EXOC6B: variants seen among roughly 807,000 people sequenced by gnomAD.
EXOC6B encodes the protein SEC15 homolog B.
A neutral mutation model predicts 113.5 loss-of-function variants in EXOC6B; 54 were observed. The ratio of observed to expected loss-of-function variants is 0.48; its 90% confidence interval spans 0.38 to 0.60. The LOEUF (loss-of-function observed/expected upper bound fraction) is 0.60. EXOC6B is among the 20% of genes least tolerant of loss of function. EXOC6B has a pLI of 0.00. For missense variants in EXOC6B, 797 were observed against 977.5 expected (o/e 0.82, Z 2.46); for synonymous variants, 357 against 339.0 (o/e 1.05, Z -0.58).
chr2:72,417,035 A>G (rs1206921174), intron 18 of EXOC6B, among the ~76,000 whole-genome samples: 1 of 152,164 alleles, frequency 6.6e-6, no homozygotes, highest in Non-Finnish European at 1.5e-5. Flanking sequence ...TCAATGTCAT[A>G]TCTATTAGTT....
At chr2:72,210,465 C>G (rs1680119739) in intron 20 of EXOC6B, among the ~76,000 whole-genome samples, 1 of 152,176 alleles carries the variant, frequency 6.6e-6, no homozygotes. Context: ...TACTGGATAG[C>G]TGGATACCCA....
At chr2:72,724,169 T>G (rs1680169232) in intron 5 of EXOC6B, among the ~76,000 whole-genome samples, 1 of 151,694 alleles carries the variant, frequency 6.6e-6, no homozygotes, top group South Asian at 2.1e-4. Context: ...ATAGAGAAAG[T>G]GAAATTCCAC....
rs199787275 is a variant in EXOC6B at position 72,656,634 on chromosome 2, T to C, written c.669+61469A>G. ...GACTGGATAAAAAGCTCCCCCCTTA[T>C]TGAGTAAGGGTGAAAGTCAAAATTC... On this transcript the variant is annotated intron_variant, in intron 6 of 21. Transcript: ENST00000272427. 1.5e-4 allele frequency among the ~76,000 whole-genome samples: 23 copies of C among 152,220 alleles called. No homozygotes were observed. In the East Asian group the frequency reaches 2.9e-3, roughly 19 times the overall value.
intron 7 of EXOC6B, among the ~76,000 whole-genome samples, chr2:72,572,585 C>A (rs769438232): frequency 4.6e-5 from 7 of 152,152 alleles, no homozygotes; most frequent in Non-Finnish European, 8.8e-5. Flanking sequence ...GGATTCTATG[C>A]CACAGTTACC....
chr2:72,617,609 A>C (rs1479787818), intron 6 of EXOC6B, among the ~76,000 whole-genome samples: 1 of 126,064 alleles, frequency 7.9e-6, no homozygotes. Context: ...TGAAACCTCC[A>C]CTGCCCAGGT....
chr2:72,287,958 ACTT>A (rs917498053), intron 20 of EXOC6B, among the ~76,000 whole-genome samples: 1 of 152,192 alleles, frequency 6.6e-6, no homozygotes, highest in African/African-American at 2.4e-5. Flanking sequence ...GACTTGTATA[ACTT>A]TGATTCTAAA....
intron 18 of EXOC6B, among the ~76,000 whole-genome samples, chr2:72,396,196 T>C (rs963337967): frequency 1.3e-5 from 2 of 152,238 alleles, no homozygotes; most frequent in South Asian, 2.1e-4. Flanking sequence ...AAAAATGCCA[T>C]GTATTCTCCC....
At chr2:72,507,738 A>C (rs1237348047) in intron 11 of EXOC6B, among the ~76,000 whole-genome samples, 1 of 152,064 alleles carries the variant, frequency 6.6e-6, no homozygotes, top group Non-Finnish European at 1.5e-5. Flanking sequence ...GTTAAAAAGA[A>C]TATACAATAG....
chr2:72,489,957 ACAGAG>A (rs1699653446), intron 16 of EXOC6B, among the ~76,000 whole-genome samples: 7 of 152,138 alleles, frequency 4.6e-5, no homozygotes, highest in Admixed American at 4.6e-4. Flanking sequence ...TAACCCCAAA[ACAGAG>A]CAAACACTGT....
chr2:72,808,143 A>G (rs1479487781), intron 1 of EXOC6B, among the ~76,000 whole-genome samples: 2 of 152,220 alleles, frequency 1.3e-5, no homozygotes, highest in East Asian at 1.9e-4. Context: ...ACAACAAAAC[A>G]GGAATCCTGG....
intron 18 of EXOC6B, among the ~76,000 whole-genome samples, chr2:72,447,920 C>T (rs557671993): frequency 1.3e-5 from 2 of 152,272 alleles, no homozygotes; most frequent in East Asian, 1.9e-4. Context: ...AATATTAGAA[C>T]ATTTGCTAAA....
At position 72,625,653 on chromosome 2, in the gene EXOC6B, C is replaced by A. The variant is rs115540332; in HGVS notation, c.670-49985G>T. ...TGCCAAGAAAGGCTCCAGGCCATAC[C>A]AATTACCTCCAAATTCCTACACTTT... On this transcript the variant is annotated intron_variant, in intron 6 of 21. Coordinates refer to ENST00000272427, the MANE Select transcript of EXOC6B (RefSeq NM_015189.3). Among the ~76,000 whole-genome samples, 1,182 of 152,284 alleles carry A rather than the reference C, an allele frequency of 7.8e-3. 8 individuals are homozygous for A. The highest frequency in any genetic ancestry group is 0.013 in the Non-Finnish European group (911 of 68,010).
intron 20 of EXOC6B, among the ~76,000 whole-genome samples, chr2:72,222,742 A>G (rs1218233385): frequency 1.3e-5 from 2 of 152,162 alleles, no homozygotes; most frequent in African/African-American, 4.8e-5. Context: ...TTATTATTGC[A>G]CAATGAGCTG....
At chr2:72,287,239 C>T (rs1685489801) in intron 20 of EXOC6B, among the ~76,000 whole-genome samples, 1 of 151,598 alleles carries the variant, frequency 6.6e-6, no homozygotes, top group Admixed American at 6.6e-5. Flanking sequence ...ACCATCCTGG[C>T]TAACACGATG....
chr2:72,743,710 A>T (rs543599902), intron 1 of EXOC6B, among the ~76,000 whole-genome samples: 8 of 152,336 alleles, frequency 5.3e-5, no homozygotes, highest in Admixed American at 5.2e-4. Flanking sequence ...GTAAAGAATG[A>T]CTAACACTAT....
intron 6 of EXOC6B, among the ~76,000 whole-genome samples, chr2:72,584,262 G>C (rs1232196816): frequency 1.3e-5 from 2 of 150,270 alleles, no homozygotes; most frequent in Admixed American, 1.3e-4. Flanking sequence ...CTGTCTTTAA[G>C]AGACCCATCT....
At chr2:72,391,119 T>G (rs1262710444) in intron 18 of EXOC6B, among the ~76,000 whole-genome samples, 4 of 152,188 alleles carry the variant, frequency 2.6e-5, no homozygotes, top group Non-Finnish European at 4.4e-5. Context: ...ATTGCTGGGT[T>G]TACACTTCAT....
intron 10 of EXOC6B, among the ~76,000 whole-genome samples, chr2:72,514,064 A>G (rs1048299827): frequency 5.3e-5 from 8 of 152,132 alleles, no homozygotes; most frequent in African/African-American, 1.9e-4. Context: ...ATTCCGTACC[A>G]CTATATACAC....
chr2:72,334,100 G>C (rs1350219065), intron 20 of EXOC6B, among the ~76,000 whole-genome samples: 3 of 151,762 alleles, frequency 2.0e-5, no homozygotes, highest in Non-Finnish European at 4.4e-5. Context: ...TGTTTTAATA[G>C]GAAAGAAGCA....
Sources: gnomAD v4.1 joint callset for allele counts (sites outside exome capture counted in the v4.1 genomes callset) on GRCh38, gnomAD v4.1.1 for gene constraint, MANE v1.5 for transcripts, NCBI Gene and HGNC (gene_info 2026-07-23, HGNC 2026-07-21) for gene names.